The following SMCHD1 variants were observed in gnomAD, a reference collection of about 807,000 sequenced individuals.
SMCHD1 encodes structural maintenance of chromosomes flexible hinge domain-containing protein 1.
SMCHD1 carries 78 observed loss-of-function variants against 254.7 expected under a neutral mutation model. The observed-to-expected ratio is 0.31, with a 90% CI of 0.26 to 0.37. SMCHD1 has a LOEUF of 0.37. Ranked by LOEUF, SMCHD1 falls within the 10% of genes least tolerant of loss-of-function variation. SMCHD1 has a pLI of 1.00. For synonymous variants in SMCHD1, 766 were observed against 794.9 expected (o/e 0.96, Z 0.61); for missense variants, 1,840 against 2,408.1 (o/e 0.76, Z 4.94).
At chr18:2,782,506 A>G (rs12967228) in intron 44 of SMCHD1, among the ~76,000 whole-genome samples, 15,713 of 152,012 alleles carry the variant, frequency 0.1, 1,256 homozygotes, top group East Asian at 0.43. Context: ...TTGAGAGGCC[A>G]AGGCAGGAAT....
At chr18:2,662,667 C>CAAAAAAAAAAAAAAAAAAAAAAAAAACAA (rs745838636) in intron 1 of SMCHD1, among the ~76,000 whole-genome samples, 1 of 35,678 alleles carries the variant, frequency 2.8e-5, no homozygotes, top group Non-Finnish European at 5.0e-5. Context: ...AACAAAAAAC[C>CAAAAAAAAAAAAAAAAAAAAAAAAAACAA]AAAAAAAAAA....
chr18:2,716,706 A>G (rs1598358513), intron 17 of SMCHD1, among the ~76,000 whole-genome samples: 1 of 152,302 alleles, frequency 6.6e-6, no homozygotes, highest in Middle Eastern at 3.4e-3. Context: ...GCATGGGGAA[A>G]GTGGGGTCGC....
chr18:2,795,915 G>A (rs1224336038), intron 45 of SMCHD1, 34 bp from the exon 46 acceptor site: 12 of 1,534,996 alleles, frequency 7.8e-6, no homozygotes, highest in Non-Finnish European at 1.1e-5. Flanking sequence ...TTTAATAGCA[G>A]TAATTTAATC....
rs183770374 is a variant in SMCHD1, at chr18:2,681,563, C to T, written c.639-6831C>T. Among the ~76,000 whole-genome samples the T allele has an allele frequency of 4.5e-3, 582 of 129,312 alleles. 3 individuals are homozygous for T. Among genetic ancestry groups the T allele is most frequent in the African/African-American group, 0.016 (557 of 34,242 alleles). 84.8% of individuals were successfully genotyped at this position (129,312 alleles called of 152,430 possible). A position where few individuals can be genotyped will look rare whatever the true frequency, so the allele number is the denominator to read the frequency against. ...TCACGCCACTGCACTCCAGCCTGGGCGACTGAGTGAGATCCTATCTCTCAA... is the reference window on the plus strand; with the variant it reads ...TCACGCCACTGCACTCCAGCCTGGGTGACTGAGTGAGATCCTATCTCTCAA... On this transcript the variant is annotated intron_variant, in intron 5 of 47. Transcript: ENST00000320876.
rs184824997 is a variant in SMCHD1, at chr18:2,669,421, A to G, written c.424+2390A>G. On this transcript the variant is annotated intron_variant, in intron 3 of 47. Transcript: ENST00000320876. Reference sequence around the variant, plus strand: ...ACTATGTTGCCCAGGCTGGTCTTGAATTGCTGGCCTCAAATTATTCTCCTG... The same window carrying G: ...ACTATGTTGCCCAGGCTGGTCTTGAGTTGCTGGCCTCAAATTATTCTCCTG... Among the ~76,000 whole-genome samples the G allele has an allele frequency of 3.3e-5, 5 of 152,246 alleles. No homozygotes were observed. In the East Asian group the frequency reaches 9.6e-4, roughly 29 times the overall value.
chr18:2,713,602 T>G (rs2074729508), intron 17 of SMCHD1, among the ~76,000 whole-genome samples: 1 of 152,168 alleles, frequency 6.6e-6, no homozygotes, highest in Non-Finnish European at 1.5e-5. Context: ...GGAGAATCAC[T>G]TGAACCTGGG....
chr18:2,704,995 G>A (rs1327283933), intron 13 of SMCHD1, among the ~76,000 whole-genome samples: 1 of 152,130 alleles, frequency 6.6e-6, no homozygotes, highest in Non-Finnish European at 1.5e-5. Context: ...AGAGTTACAA[G>A]AAGAAAGGAG....
In SMCHD1 at chr18:2,771,518, G is replaced by T. The variant is rs300291; in HGVS notation, c.4967-15G>T. 1,541,784 of 1,546,432 alleles carry T rather than the reference G, an allele frequency of 1. 768,695 individuals carry two copies. Among genetic ancestry groups the T allele is most frequent in the East Asian group, 1 (41,216 of 41,216 alleles). On this transcript the variant is annotated splice_polypyrimidine_tract_variant and intron_variant, in intron 39 of 47. Transcript: ENST00000320876. ...CTATCAGAAATTGATGCAAATTTTT[G>T]GTTTTTTATTTTAGGTCAAGTTGAA...
intron 1 of SMCHD1, among the ~76,000 whole-genome samples, chr18:2,664,094 T>G (rs1464205226): frequency 1.3e-5 from 2 of 152,102 alleles, no homozygotes; most frequent in African/African-American, 4.8e-5. Context: ...TGAACCCCAG[T>G]GTACTCATCC....
At chr18:2,727,797 G>A (rs62084256) in intron 22 of SMCHD1, among the ~76,000 whole-genome samples, 29,461 of 151,822 alleles carry the variant, frequency 0.19, 3,097 homozygotes, top group South Asian at 0.27. Context: ...TATAGTAAAT[G>A]AATGAATATA....
At chr18:2,667,378 C>A (rs753561580) in intron 3 of SMCHD1, among the ~76,000 whole-genome samples, 15 of 152,184 alleles carry the variant, frequency 9.9e-5, no homozygotes, top group African/African-American at 1.7e-4. Flanking sequence ...TTTTACTTTG[C>A]AAATACATAT....
rs546784674 is a variant in SMCHD1 at position 2,769,932 on chromosome 18, A to G, written c.4847-57A>G. The G allele has an allele frequency of 6.3e-5, 96 of 1,535,140 alleles. No individual in the cohort carries two copies. The African/African-American group carries it at 1.2e-3, about 19-fold the overall frequency. On this transcript the variant is annotated intron_variant, in intron 38 of 47. Transcript: ENST00000320876. ...ATTAGCTATCTAACCACTTTATGAC[A>G]TATTTTAGAAAAGTCAGTTTTTAAA...
intron 44 of SMCHD1, among the ~76,000 whole-genome samples, chr18:2,778,520 G>A (rs1228133592): frequency 4.6e-5 from 7 of 152,178 alleles, no homozygotes; most frequent in Non-Finnish European, 7.3e-5. Flanking sequence ...GTAATTTGCT[G>A]TAGCCCTTTG....
At chr18:2,704,604 A>ATTT (rs141807133) in intron 13 of SMCHD1, among the ~76,000 whole-genome samples, 178 of 138,944 alleles carry the variant, frequency 1.3e-3, no homozygotes, top group South Asian at 6.2e-3. Flanking sequence ...AGAGGAGAGG[A>ATTT]TTTTTTTTTT....
chr18:2,676,369 G>A (rs2073748452), intron 5 of SMCHD1, among the ~76,000 whole-genome samples: 1 of 152,202 alleles, frequency 6.6e-6, no homozygotes, highest in African/African-American at 2.4e-5. Flanking sequence ...TAGATAAGGT[G>A]GTTGGAGAAG....
chr18:2,661,429 G>T (rs112594871), intron 1 of SMCHD1, among the ~76,000 whole-genome samples: 141 of 147,230 alleles, frequency 9.6e-4, no homozygotes, highest in African/African-American at 3.6e-3. Flanking sequence ...TTAGAAATCT[G>T]TGGGTTTTTA....
intron 1 of SMCHD1, among the ~76,000 whole-genome samples, chr18:2,656,490 C>G (rs1273272742): frequency 6.6e-6 from 1 of 152,260 alleles, no homozygotes; most frequent in African/African-American, 2.4e-5. Flanking sequence ...GTGGCCCTCC[C>G]TCTGCCTCCG....
intron 9 of SMCHD1, among the ~76,000 whole-genome samples, chr18:2,697,569 A>T (rs940038208): frequency 6.6e-6 from 1 of 152,204 alleles, no homozygotes; most frequent in Non-Finnish European, 1.5e-5. Context: ...GAAACCTCGA[A>T]TTAAATGTAC....
At chr18:2,672,514 C>T (rs1386771888) in intron 3 of SMCHD1, among the ~76,000 whole-genome samples, 1 of 152,192 alleles carries the variant, frequency 6.6e-6, no homozygotes, top group Non-Finnish European at 1.5e-5. Context: ...AGGCGTGAGC[C>T]CACATCCAGC....
Sources: allele counts gnomAD v4.1 joint callset (sites outside exome capture counted in the v4.1 genomes callset), GRCh38; gene constraint gnomAD v4.1.1; transcripts MANE v1.5; gene names NCBI Gene and HGNC (gene_info 2026-07-23, HGNC 2026-07-21).